CTBP2: variants seen among roughly 807,000 people sequenced by gnomAD.
CTBP2 encodes C-terminal binding protein 2.
CTBP2 carries 30 observed loss-of-function variants against 80.3 expected under a neutral mutation model. The ratio of observed to expected loss-of-function variants is 0.37; its 90% CI spans 0.28 to 0.51. The LOEUF is 0.51. Ranked by LOEUF, CTBP2 falls within the 20% of genes least tolerant of loss-of-function variation. The probability of loss-of-function intolerance (pLI) is 0.93; values close to 1 mark genes in which losing one functional copy is unlikely to be tolerated. For missense variants in CTBP2, 1,212 were observed against 1,375.3 expected (o/e 0.88, Z 1.88); for synonymous variants, 594 against 587.4 (o/e 1.01, Z -0.16).
At chr10:125,099,374 G>A (rs1297222512) in intron 2 of CTBP2, among the ~76,000 whole-genome samples, 5 of 152,208 alleles carry the variant, frequency 3.3e-5, no homozygotes, top group African/African-American at 1.2e-4. Flanking sequence ...GGGGCAACTG[G>A]CTGGACCATT....
intron 3 of CTBP2, 133 bp downstream of exon 5, chr10:125,002,826 TG>T: frequency 9.0e-7 from 1 of 1,107,370 alleles, no homozygotes; most frequent in Non-Finnish European, 1.3e-6. Context: ...CAGCCCGGCC[TG>T]GAGGCAGCCA....
intron 1 of CTBP2, among the ~76,000 whole-genome samples, chr10:125,131,928 G>A (rs568997104): frequency 3.0e-4 from 46 of 152,334 alleles, no homozygotes; most frequent in African/African-American, 1.1e-3. Context: ...AGATACTTGA[G>A]GTGGTGGAAG....
intron 1 of CTBP2, among the ~76,000 whole-genome samples, chr10:125,155,263 G>A (rs928766829): frequency 6.6e-6 from 1 of 152,356 alleles, no homozygotes; most frequent in Non-Finnish European, 1.5e-5. Context: ...CCCGTCCACA[G>A]CTCCTGAAGT....
chr10:125,096,128 A>G (rs1849510994), intron 2 of CTBP2, among the ~76,000 whole-genome samples: 2 of 152,256 alleles, frequency 1.3e-5, no homozygotes, highest in South Asian at 2.1e-4. Flanking sequence ...AGCAAAACAC[A>G]GCACGCACAT....
At chr10:125,133,627 T>C (rs1431172157) in intron 1 of CTBP2, 1 of 152,238 alleles carries the variant, frequency 6.6e-6, no homozygotes. Context: ...AAACAGAGGC[T>C]TGTTGTTTGG....
In CTBP2 at chr10:124,988,586, A is replaced by G. The variant is rs1952169080; in HGVS notation, c.*932T>C. On this transcript the variant is annotated 3_prime_UTR_variant, in exon 9 of 9. Coordinates refer to ENST00000309035, the MANE Select transcript of CTBP2 (RefSeq NM_022802.3). Reference sequence around the variant, plus strand: ...ACAAAAGACTATGAATAGAACATGTAACTAGTTGATACAAATCTAATAGGA... The same window carrying G: ...ACAAAAGACTATGAATAGAACATGTGACTAGTTGATACAAATCTAATAGGA... 1 of 152,672 alleles carries G rather than the reference A, an allele frequency of 6.5e-6. No individual in the cohort carries two copies. Among genetic ancestry groups the G allele is most frequent in the Non-Finnish European group, 1.5e-5 (1 of 68,036 alleles). 9.5% of individuals were successfully genotyped at this position (152,672 alleles called of 1,614,324 possible).
At chr10:125,084,232 G>A (rs1847630044) in intron 2 of CTBP2, among the ~76,000 whole-genome samples, 2 of 152,258 alleles carry the variant, frequency 1.3e-5, no homozygotes, top group Non-Finnish European at 1.5e-5. Context: ...TGGGATTACA[G>A]GTGTGAGCCA....
chr10:125,157,861 CATT>C, intron 1 of CTBP2, among the ~76,000 whole-genome samples: 1 of 152,292 alleles, frequency 6.6e-6, no homozygotes. Context: ...TCTACCATCT[CATT>C]AACTTTTCTT....
intron 2 of CTBP2, among the ~76,000 whole-genome samples, chr10:125,052,282 T>C (rs1394372591): frequency 2.0e-5 from 3 of 152,040 alleles, no homozygotes; most frequent in African/African-American, 7.2e-5. Flanking sequence ...CCCTCCAATC[T>C]CGCCCCAGAC....
intron 2 of CTBP2, among the ~76,000 whole-genome samples, chr10:125,070,153 C>G (rs922811306): frequency 1.3e-5 from 2 of 151,908 alleles, no homozygotes; most frequent in African/African-American, 4.8e-5. Context: ...AGATCTACAC[C>G]ACCCTGGCTA....
At position 125,086,805 on chromosome 10, in the gene CTBP2, T is replaced by C. The variant is rs1311569641; in HGVS notation, c.-102+24185A>G. ...GCCACCTGCTTATGGAATTTTGTTA[T>C]AGTAGCCAAAGCAGACTAAGACAAC... On this transcript the variant is annotated intron_variant, in intron 2 of 10. Transcript: ENST00000337195. Among the ~76,000 whole-genome samples, 4 of 152,068 alleles carry C rather than the reference T, an allele frequency of 2.6e-5. No individual in the cohort carries two copies. The South Asian group carries it at 8.3e-4, about 32-fold the overall frequency.
At chr10:125,029,862 A>G (rs992681699), upstream of CTBP2, among the ~76,000 whole-genome samples, 1 of 152,194 alleles carries the variant, frequency 6.6e-6, no homozygotes, top group African/African-American at 2.4e-5. Flanking sequence ...CTAAGAAACC[A>G]GTAATGATTC....
intron 1 of CTBP2, among the ~76,000 whole-genome samples, chr10:125,112,107 C>CTTTTTTT (rs59148637): frequency 2.4e-5 from 3 of 123,756 alleles, no homozygotes; most frequent in African/African-American, 6.1e-5. Flanking sequence ...CTGCATTTGA[C>CTTTTTTT]TTTTTTTTTT....
At chr10:125,098,474 T>C (rs1849896690) in intron 2 of CTBP2, among the ~76,000 whole-genome samples, 1 of 152,084 alleles carries the variant, frequency 6.6e-6, no homozygotes, top group African/African-American at 2.4e-5. Context: ...GGTTGATGTG[T>C]GTTTAACAGC....
intron 1 of CTBP2, among the ~76,000 whole-genome samples, chr10:125,147,191 G>C (rs570967013): frequency 3.9e-5 from 6 of 152,128 alleles, no homozygotes; most frequent in African/African-American, 1.2e-4. Flanking sequence ...TATGCTCCTC[G>C]GAATGTGGCC....
chr10:124,993,093 A>G (rs1189041675), intron 7 of CTBP2, 109 bp downstream of exon 9: 1 of 1,366,178 alleles, frequency 7.3e-7, no homozygotes, highest in Non-Finnish European at 9.8e-7. Flanking sequence ...ATTTGATGCT[A>G]AAAGTGAATT....
At chr10:125,032,286 T>C (rs567588060), upstream of CTBP2, among the ~76,000 whole-genome samples, 2 of 152,280 alleles carry the variant, frequency 1.3e-5, no homozygotes, top group South Asian at 4.1e-4. Context: ...CACCACCCCT[T>C]CTGCTCTTTA....
At chr10:125,100,940 T>G (rs1172339939) in intron 2 of CTBP2, among the ~76,000 whole-genome samples, 1 of 152,236 alleles carries the variant, frequency 6.6e-6, no homozygotes, top group Non-Finnish European at 1.5e-5. Context: ...TACTACTATT[T>G]TTACTAAATT....
rs765787617 is a variant in CTBP2, at chr10:125,026,742, G to A, written c.1018C>T (p.Arg340Cys). Residue 340 changes from arginine to cysteine, a missense_variant, in exon 1 of 9, where the codon CGT becomes TGT. Around this residue, in one of 3 missense-constraint regions of CTBP2, gnomAD observed 848 missense variants for 782.3 expected, o/e 1.08. Transcript: ENST00000309035. ...CTATTGGCCAGGCGGCTCAGAACAC[G>A]GGCCTGGCCCAGGTTGGGTGCGACA... 12 of 1,612,848 alleles carry A rather than the reference G, an allele frequency of 7.4e-6. No individual in the cohort carries two copies. The highest frequency in any genetic ancestry group is 5.3e-5 in the African/African-American group (4 of 74,922).
Sources: allele counts gnomAD v4.1 joint callset (sites outside exome capture counted in the v4.1 genomes callset), GRCh38; gene constraint gnomAD v4.1.1; regional missense constraint gnomAD v4.1.1; transcripts MANE v1.5; gene names NCBI Gene and HGNC (gene_info 2026-07-23, HGNC 2026-07-21).